RASA2: variants seen among roughly 807,000 people sequenced by gnomAD.
RASA2 encodes the protein RAS p21 protein activator 2.
RASA2 carries 155 observed loss-of-function variants against 118.2 expected under a neutral mutation model. The observed-to-expected ratio is 1.31, with a 90% CI of 1.15 to 1.50. RASA2 has a LOEUF of 1.50. Among genes scored for constraint, RASA2 ranks in the 40% most tolerant of loss-of-function variants. The probability of loss-of-function intolerance (pLI) is 0.00; values close to 1 mark genes in which losing one functional copy is unlikely to be tolerated. For missense variants in RASA2, 1,016 were observed against 1,009.6 expected (o/e 1.01, Z -0.09); for synonymous variants, 353 against 349.1 (o/e 1.01, Z -0.12).
chr3:141,576,623 A>G (rs1241085587), intron 14 of RASA2, among the ~76,000 whole-genome samples: 3 of 152,230 alleles, frequency 2.0e-5, no homozygotes, highest in Admixed American at 1.3e-4. Context: ...CCTAAAACTG[A>G]AAGTAGCCTT....
At chr3:141,505,940 T>C (rs912673575) in intron 1 of RASA2, among the ~76,000 whole-genome samples, 4 of 152,206 alleles carry the variant, frequency 2.6e-5, no homozygotes, top group African/African-American at 4.8e-5. Flanking sequence ...TTTCATTTTA[T>C]ATTTGGACAA....
chr3:141,528,755 T>TTC lies in RASA2; in HGVS notation c.356-951_356-950dup, dbSNP rs930052701. On this transcript the variant is annotated intron_variant, in intron 3 of 23. Coordinates refer to ENST00000286364, the MANE Select transcript of RASA2 (RefSeq NM_006506.5). ...AGTTGACGTATCTTGACAGAAAAAT[T>TTC]TCTTTACAATTTTCTTAAAGTTTTC... 2.3e-4 allele frequency among the ~76,000 whole-genome samples: 35 copies of TTC among 151,936 alleles called. 1 individual carries two copies. Among genetic ancestry groups the TTC allele is most frequent in the Non-Finnish European group, 1.5e-5 (1 of 67,834 alleles).
chr3:141,521,100 G>A (rs972730608), intron 3 of RASA2, among the ~76,000 whole-genome samples: 1 of 152,188 alleles, frequency 6.6e-6, no homozygotes, highest in African/African-American at 2.4e-5. Flanking sequence ...AGTATTACCG[G>A]GGTACATCTT....
rs147831765 is a variant in RASA2, at chr3:141,521,981, A to G, written c.355+5550A>G. 1.4e-3 allele frequency among the ~76,000 whole-genome samples: 218 copies of G among 152,036 alleles called. 7 individuals carry two copies. The East Asian group carries it at 0.024, about 17-fold the overall frequency. On this transcript the variant is annotated intron_variant, in intron 3 of 23. Transcript: ENST00000286364. ...CCACTCAATTGTAGATTAAACACTGACACAGCATTTTCTGGAAATGAAATT... is the reference window on the plus strand; with the variant it reads ...CCACTCAATTGTAGATTAAACACTGGCACAGCATTTTCTGGAAATGAAATT...
At position 141,586,535 on chromosome 3, in the gene RASA2, T is replaced by G. The variant is rs2083204969; in HGVS notation, c.1827-111T>G. The stretch of plus-strand genomic sequence containing the variant: ...GATAGCAAAAACATTTTTATATATT[T>G]AATATAATCTTACACTACTATTCAT... On this transcript the variant is annotated intron_variant, in intron 18 of 23. Coordinates refer to ENST00000286364, the MANE Select transcript of RASA2 (RefSeq NM_006506.5). 12 of 658,506 alleles carry G rather than the reference T, an allele frequency of 1.8e-5. No homozygotes were observed. The South Asian group carries it at 3.0e-4, about 17-fold the overall frequency. The allele number at this position is 658,506 out of a possible 1,614,324, so 40.8% of individuals were successfully genotyped here.
chr3:141,529,639 A>G, intron 3 of RASA2, 69 bp from the exon 4 acceptor site: 1 of 1,047,262 alleles, frequency 9.5e-7, no homozygotes, highest in East Asian at 2.4e-5. Flanking sequence ...TATTATATAA[A>G]ACAGTGCTAA....
At chr3:141,506,379 A>G (rs2081867112) in intron 1 of RASA2, among the ~76,000 whole-genome samples, 1 of 152,242 alleles carries the variant, frequency 6.6e-6, no homozygotes. Flanking sequence ...AGGACTCCGC[A>G]TGCACAGAAT....
chr3:141,526,663 T>C (rs910442121), intron 3 of RASA2, among the ~76,000 whole-genome samples: 1 of 152,226 alleles, frequency 6.6e-6, no homozygotes, highest in Non-Finnish European at 1.5e-5. Flanking sequence ...CTTTCTTCTC[T>C]GTTTCTTCAG....
chr3:141,585,152 A>G (rs760943175), intron 17 of RASA2, among the ~76,000 whole-genome samples: 162 of 152,304 alleles, frequency 1.1e-3, no homozygotes, highest in Non-Finnish European at 1.3e-3. Context: ...TTATATGTAA[A>G]ATCATTGGGA....
intron 9 of RASA2, among the ~76,000 whole-genome samples, chr3:141,566,365 A>G (rs1434125726): frequency 6.6e-6 from 1 of 152,238 alleles, no homozygotes; most frequent in African/African-American, 2.4e-5. Context: ...AACTACCAAT[A>G]TAGAGGAAAT....
rs893834409 is a variant in RASA2, at chr3:141,607,759, A to G, written c.2015A>G (p.Asn672Ser). Residue 672 changes from asparagine to serine, a missense_variant and splice_region_variant, in exon 20 of 24, where the codon AAT becomes AGT. Asn to Ser is a conservative substitution (Grantham distance 46). Transcript: ENST00000286364. ...GAAGAGAGCTCTTTCAACAAGAAAA[A>G]TGTAAGTTATGTAAATAAATATTTA... ...KLEESSFNKK[N>S]MFQVIHTEKP... 6.4e-7 allele frequency: 1 copy of G among 1,574,314 alleles called. No individual in the cohort carries two copies. The highest frequency in any genetic ancestry group is 8.6e-7 in the Non-Finnish European group (1 of 1,163,626).
chr3:141,503,302 C>T (rs2081812542), intron 1 of RASA2, among the ~76,000 whole-genome samples: 1 of 152,124 alleles, frequency 6.6e-6, no homozygotes, highest in South Asian at 2.1e-4. Context: ...TACTCACATA[C>T]ATGAACAGAA....
At chr3:141,602,912 G>A (rs2083488606) in intron 19 of RASA2, among the ~76,000 whole-genome samples, 1 of 152,156 alleles carries the variant, frequency 6.6e-6, no homozygotes, top group Non-Finnish European at 1.5e-5. Flanking sequence ...CAGGGATCTG[G>A]CAAGTTTATT....
intron 14 of RASA2, among the ~76,000 whole-genome samples, chr3:141,575,148 C>G (rs796352284): frequency 2.6e-5 from 4 of 152,218 alleles, no homozygotes; most frequent in African/African-American, 9.6e-5. Flanking sequence ...CAGTCTTAAC[C>G]AGCTGTGCAA....
At chr3:141,569,001 ATAG>A (rs946401502) in intron 9 of RASA2, among the ~76,000 whole-genome samples, 1 of 152,146 alleles carries the variant, frequency 6.6e-6, no homozygotes. Context: ...CTGGCTGCAC[ATAG>A]TAACTTAAAA....
At chr3:141,556,895 A>G (rs1577730561) in intron 7 of RASA2, among the ~76,000 whole-genome samples, 1 of 152,054 alleles carries the variant, frequency 6.6e-6, no homozygotes, top group Non-Finnish European at 1.5e-5. Flanking sequence ...GAAGCAAGGG[A>G]GAAAAAAAAA....
rs2083690340 is a variant in RASA2 at position 141,614,004 on chromosome 3, A to G, written c.*1691A>G. On this transcript the variant is annotated 3_prime_UTR_variant, in exon 24 of 24. Coordinates refer to ENST00000286364, the MANE Select transcript of RASA2 (RefSeq NM_006506.5). ...TTGAAAGAATTTAGCCATTTAATAA[A>G]TTTCTTATTCTCAAATTGCATTTAG... 4 of 152,182 alleles carry G rather than the reference A, an allele frequency of 2.6e-5. No homozygotes were observed. Among genetic ancestry groups the G allele is most frequent in the African/African-American group, 9.7e-5 (4 of 41,446 alleles). The allele number at this position is 152,182 out of a possible 1,614,324, so 9.4% of individuals were successfully genotyped here. A position where few individuals can be genotyped will look rare whatever the true frequency, so the allele number is the denominator to read the frequency against.
chr3:141,511,806 C>T (rs1234748153), intron 1 of RASA2, among the ~76,000 whole-genome samples: 1 of 151,530 alleles, frequency 6.6e-6, no homozygotes, highest in Non-Finnish European at 1.5e-5. Context: ...TGGGAATGAT[C>T]GCTAGAGAGG....
intron 1 of RASA2, among the ~76,000 whole-genome samples, chr3:141,511,938 A>G (rs1559997870): frequency 1.3e-5 from 2 of 152,062 alleles, no homozygotes; most frequent in African/African-American, 2.4e-5. Flanking sequence ...GTGGGGATGC[A>G]ATTACGTAAT....
Sources: allele counts gnomAD v4.1 joint callset (sites outside exome capture counted in the v4.1 genomes callset), GRCh38; gene constraint gnomAD v4.1.1; transcripts MANE v1.5; gene names NCBI Gene and HGNC (gene_info 2026-07-23, HGNC 2026-07-21).